C2CD5: variants seen among roughly 807,000 people sequenced by gnomAD.
C2CD5 encodes C2 domain-containing protein 5.
In C2CD5, 109 loss-of-function variants were observed where a neutral mutation model predicts 130.3. The observed-to-expected ratio is 0.84, with a 90% CI of 0.72 to 0.98. C2CD5 has a LOEUF of 0.98. C2CD5 is among the 50% of genes least tolerant of loss of function. The pLI is 0.00. For synonymous variants in C2CD5, 454 were observed against 429.2 expected (o/e 1.06, Z -0.71); for missense variants, 996 against 1,261.8 (o/e 0.79, Z 3.19).
chr12:22,476,511 C>T (rs566536734), intron 15 of C2CD5, among the ~76,000 whole-genome samples: 1 of 152,084 alleles, frequency 6.6e-6, no homozygotes, highest in Non-Finnish European at 1.5e-5. Context: ...AGATTTACTC[C>T]CTCCTTCCAA....
At chr12:22,508,336 T>C (rs1948816368) in intron 9 of C2CD5, among the ~76,000 whole-genome samples, 1 of 152,042 alleles carries the variant, frequency 6.6e-6, no homozygotes, top group Admixed American at 6.6e-5. Flanking sequence ...AGCAGAAAGG[T>C]AGAGGGAAAA....
intron 22 of C2CD5, among the ~76,000 whole-genome samples, chr12:22,467,645 C>T (rs1321512037): frequency 6.6e-6 from 1 of 152,178 alleles, no homozygotes; most frequent in African/African-American, 2.4e-5. Context: ...GGTCCAAGTT[C>T]TCATGCCTAA....
chr12:22,544,197 C>G lies in C2CD5; in HGVS notation c.-29-18G>C, dbSNP rs111618867. On this transcript the variant is annotated intron_variant, in intron 1 of 26. Coordinates refer to ENST00000446597, the MANE Select transcript of C2CD5 (RefSeq NM_001286176.2). ...TTGGGCTCCTGCAGAAACAAACAAACGAGTCTGCGCCGAGCGCGGGGCCGG... is the reference window on the plus strand; with the variant it reads ...TTGGGCTCCTGCAGAAACAAACAAAGGAGTCTGCGCCGAGCGCGGGGCCGG... 1.3e-6 allele frequency: 2 copies of G among 1,573,140 alleles called. No homozygotes were observed. Among genetic ancestry groups the G allele is most frequent in the South Asian group, 1.1e-5 (1 of 89,584 alleles).
Position 22,525,839 on chromosome 12 carries a change from G to T in C2CD5, c.350-134C>A, listed in dbSNP as rs1950669484. On this transcript the variant is annotated intron_variant, in intron 4 of 26. Coordinates refer to ENST00000446597, the MANE Select transcript of C2CD5 (RefSeq NM_001286176.2). ...TCACAATTTTTTGAACTTTACCATG[G>T]TGCAAAACCATTCTGATTTTCACTT... The T allele has an allele frequency of 8.0e-6, 5 of 622,042 alleles. No homozygotes were observed. In the Admixed American group the frequency reaches 8.1e-5, roughly 10 times the overall value. 38.5% of individuals were successfully genotyped at this position (622,042 alleles called of 1,614,324 possible).
Position 22,513,399 on chromosome 12 carries a change from A to G in C2CD5, c.953-20T>C. Reference sequence around the variant, plus strand: ...CCATTCCTACAGAACATCAGTACATAAATAACAACCAAAAAAGCAACTATA... The same window carrying G: ...CCATTCCTACAGAACATCAGTACATGAATAACAACCAAAAAAGCAACTATA... On this transcript the variant is annotated intron_variant, in intron 8 of 26. Coordinates refer to ENST00000446597, the MANE Select transcript of C2CD5 (RefSeq NM_001286176.2). The G allele has an allele frequency of 2.0e-6, 3 of 1,531,476 alleles. No homozygotes were observed. The South Asian group carries it at 3.4e-5, about 17-fold the overall frequency. The allele number at this position is 1,531,476 out of a possible 1,614,324, so 94.9% of individuals were successfully genotyped here.
At position 22,535,242 on chromosome 12, in the gene C2CD5, A is replaced by C. The variant is rs758341856; in HGVS notation, c.177+16T>G. ...CAAAAAAATACACTCAAAAATGCTG[A>C]CATTTAAAAACTTACCTCAAATTTA... is the stretch of plus-strand genomic sequence containing the variant. On this transcript the variant is annotated intron_variant, in intron 3 of 26. Coordinates refer to ENST00000446597, the MANE Select transcript of C2CD5 (RefSeq NM_001286176.2). 5 of 1,430,544 alleles carry C rather than the reference A, an allele frequency of 3.5e-6. No homozygotes were observed. The highest frequency in any genetic ancestry group is 4.9e-6 in the Non-Finnish European group (5 of 1,015,716). The allele number at this position is 1,430,544 out of a possible 1,614,324, so 88.6% of individuals were successfully genotyped here. A position where few individuals can be genotyped will look rare whatever the true frequency, so the allele number is the denominator to read the frequency against.
chr12:22,516,922 G>A (rs1478812879), intron 8 of C2CD5, among the ~76,000 whole-genome samples: 2 of 151,770 alleles, frequency 1.3e-5, no homozygotes, highest in Admixed American at 6.6e-5. Context: ...TACATTATTT[G>A]TAGACATTAT....
chr12:22,494,586 A>T (rs1180327130), intron 10 of C2CD5, among the ~76,000 whole-genome samples: 1 of 152,076 alleles, frequency 6.6e-6, no homozygotes, highest in Non-Finnish European at 1.5e-5. Context: ...CCAGAACTAC[A>T]AATGATGCCA....
At chr12:22,465,692 G>A (rs542889319) in intron 22 of C2CD5, among the ~76,000 whole-genome samples, 1 of 151,726 alleles carries the variant, frequency 6.6e-6, no homozygotes, top group African/African-American at 2.4e-5. Context: ...TATTTTTAAA[G>A]TCTCTTGAAA....
At chr12:22,451,921 C>A (rs1281773452) in intron 26 of C2CD5, among the ~76,000 whole-genome samples, 1 of 152,116 alleles carries the variant, frequency 6.6e-6, no homozygotes, top group Non-Finnish European at 1.5e-5. Flanking sequence ...TGCTTACAAT[C>A]CACCAGCACT....
Position 22,469,704 on chromosome 12 carries a change from C to A in C2CD5, c.2533+5G>T. On this transcript the variant is annotated splice_donor_5th_base_variant and intron_variant, in intron 22 of 26. Coordinates refer to ENST00000446597, the MANE Select transcript of C2CD5 (RefSeq NM_001286176.2). ...TGTGTTTGCTTTTTCCCTCACTTAA[C>A]CAACCTTTAGCTGGTGGAAAAGGAT... 6.3e-7 allele frequency: 1 copy of A among 1,579,268 alleles called. No individual in the cohort carries two copies. The highest frequency in any genetic ancestry group is 1.2e-5 in the South Asian group (1 of 86,330).
intron 22 of C2CD5, among the ~76,000 whole-genome samples, chr12:22,466,900 TAATC>T (rs1168896566): frequency 2.6e-5 from 4 of 152,216 alleles, no homozygotes; most frequent in African/African-American, 9.6e-5. Flanking sequence ...AAGGGTGGCA[TAATC>T]AATCAATGGT....
intron 9 of C2CD5, among the ~76,000 whole-genome samples, chr12:22,511,937 T>TA (rs929516664): frequency 6.6e-5 from 10 of 151,968 alleles, no homozygotes; most frequent in African/African-American, 2.2e-4. Context: ...CATTCTGGCC[T>TA]AAAAAAAATG....
intron 18 of C2CD5, 103 bp from the exon 19 acceptor site, chr12:22,472,168 A>C (rs554996750): frequency 4.7e-6 from 4 of 849,864 alleles, no homozygotes; most frequent in Middle Eastern, 2.2e-4. Context: ...AATGTAGTAG[A>C]ATAAGGATGG....
intron 12 of C2CD5, among the ~76,000 whole-genome samples, chr12:22,486,343 A>G (rs897652357): frequency 2.6e-5 from 4 of 152,166 alleles, no homozygotes; most frequent in African/African-American, 7.2e-5. Context: ...TTTGTTCAGG[A>G]AAGTCTAGAG....
At chr12:22,451,981 G>C (rs1477645022) in intron 26 of C2CD5, among the ~76,000 whole-genome samples, 1 of 152,128 alleles carries the variant, frequency 6.6e-6, no homozygotes, top group Non-Finnish European at 1.5e-5. Flanking sequence ...TTATCCCAAT[G>C]TTATAGATGA....
chr12:22,525,030 A>C (rs1950606080), intron 5 of C2CD5, among the ~76,000 whole-genome samples: 1 of 152,218 alleles, frequency 6.6e-6, no homozygotes, highest in African/African-American at 2.4e-5. Context: ...CCTTTGTAAA[A>C]GTACTTCTGT....
chr12:22,515,538 T>C (rs1949632307), intron 8 of C2CD5, among the ~76,000 whole-genome samples: 1 of 152,244 alleles, frequency 6.6e-6, no homozygotes, highest in South Asian at 2.1e-4. Context: ...ACTTGCTGCC[T>C]AAAATATAAA....
chr12:22,499,656 T>C lies in C2CD5; in HGVS notation c.1148-6319A>G, dbSNP rs146356231. On this transcript the variant is annotated intron_variant, in intron 10 of 26. Transcript: ENST00000446597. ...GCCTTTAAGCCCATTCTCCACCCTA[T>C]AGTCAATGATCTAATGCAAATGTGC... Among the ~76,000 whole-genome samples the C allele has an allele frequency of 1.3e-3, 193 of 152,262 alleles. 1 individual carries two copies. Among genetic ancestry groups the C allele is most frequent in the African/African-American group, 4.3e-3 (179 of 41,576 alleles).
Sources: gnomAD v4.1 joint callset for allele counts (sites outside exome capture counted in the v4.1 genomes callset) on GRCh38, gnomAD v4.1.1 for gene constraint, MANE v1.5 for transcripts, NCBI Gene and HGNC (gene_info 2026-07-23, HGNC 2026-07-21) for gene names.